PDE10A: variants seen among roughly 807,000 people sequenced by gnomAD.
PDE10A encodes phosphodiesterase 10A.
A neutral mutation model predicts 97.7 loss-of-function variants in PDE10A; 39 were observed. That is an observed-to-expected ratio of 0.40 (90% CI 0.31 to 0.52). PDE10A has a LOEUF of 0.52. Ranked by LOEUF, PDE10A falls within the 20% of genes least tolerant of loss-of-function variation. PDE10A has a pLI of 0.56. For missense variants in PDE10A, 731 were observed against 1,047.8 expected (o/e 0.70, Z 4.17); for synonymous variants, 371 against 376.8 (o/e 0.98, Z 0.18).
chr6:165,826,926 C>T (rs1018256637), intron 1 of PDE10A, among the ~76,000 whole-genome samples: 1 of 151,268 alleles, frequency 6.6e-6, no homozygotes, highest in Non-Finnish European at 1.5e-5. Flanking sequence ...GCGGGATGAG[C>T]CCAGGGGGAA....
chr6:165,720,288 A>C (rs921991543), intron 1 of PDE10A, among the ~76,000 whole-genome samples: 1 of 152,034 alleles, frequency 6.6e-6, no homozygotes, highest in African/African-American at 2.4e-5. Flanking sequence ...TTTGAGGTTT[A>C]TCTATACTTT....
intron 2 of PDE10A, among the ~76,000 whole-genome samples, chr6:165,512,992 A>C (rs1234918120): frequency 6.6e-6 from 1 of 151,936 alleles, no homozygotes; most frequent in Admixed American, 6.6e-5. Context: ...GTTGACTTTT[A>C]AAAAAATGGG....
intron 6 of PDE10A, among the ~76,000 whole-genome samples, chr6:165,435,036 T>A (rs1054759436): frequency 2.0e-5 from 3 of 152,226 alleles, no homozygotes; most frequent in African/African-American, 7.2e-5. Flanking sequence ...AAATAAGAAC[T>A]GTGCACATTT....
At position 165,627,209 on chromosome 6, in the gene PDE10A, G is replaced by A. The variant is rs181970299; in HGVS notation, c.865+34738C>T. 2.3e-3 allele frequency among the ~76,000 whole-genome samples: 355 copies of A among 152,248 alleles called. 5 individuals are homozygous for A. The highest frequency in any genetic ancestry group is 8.1e-4 in the Non-Finnish European group (55 of 68,018). On this transcript the variant is annotated intron_variant, in intron 1 of 21. Coordinates refer to ENST00000539869, the MANE Select transcript of PDE10A (RefSeq NM_001385079.1). Reference sequence around the variant, plus strand: ...ACAAAACATTAACTATTTGTTGAAGGTCTCACAATGTAACATAATCTGTAT... The same window carrying A: ...ACAAAACATTAACTATTTGTTGAAGATCTCACAATGTAACATAATCTGTAT...
chr6:165,437,659 G>A (rs1403416498), intron 5 of PDE10A, among the ~76,000 whole-genome samples: 1 of 152,126 alleles, frequency 6.6e-6, no homozygotes, highest in Admixed American at 6.6e-5. Flanking sequence ...TGTTTCCAAT[G>A]AGAGCTGAGG....
chr6:165,929,641 T>A (rs995083696), intron 1 of PDE10A, among the ~76,000 whole-genome samples: 7 of 152,188 alleles, frequency 4.6e-5, no homozygotes, highest in African/African-American at 1.7e-4. Flanking sequence ...AAAGCATATT[T>A]TCTTAGAAGG....
chr6:165,743,625 C>G (rs115335058), intron 1 of PDE10A, among the ~76,000 whole-genome samples: 2 of 152,190 alleles, frequency 1.3e-5, no homozygotes, highest in South Asian at 4.1e-4. Context: ...CAAAGACATA[C>G]ACACAGCAGA....
At chr6:165,463,821 C>T (rs941846463) in intron 3 of PDE10A, among the ~76,000 whole-genome samples, 28 of 152,202 alleles carry the variant, frequency 1.8e-4, no homozygotes, top group African/African-American at 5.3e-4. Context: ...ATACCTGGCC[C>T]GCCCAGGGCG....
intron 1 of PDE10A, among the ~76,000 whole-genome samples, chr6:165,561,234 G>A (rs1024737521): frequency 2.7e-5 from 4 of 149,386 alleles, no homozygotes; most frequent in Admixed American, 2.7e-4. Flanking sequence ...AAAAAAAAAA[G>A]TGTGCAGCAG....
chr6:165,593,400 C>T (rs771017754), intron 1 of PDE10A, among the ~76,000 whole-genome samples: 1 of 152,034 alleles, frequency 6.6e-6, no homozygotes, highest in Non-Finnish European at 1.5e-5. Context: ...ACCTATATAA[C>T]AAACCTGCAC....
At chr6:165,608,138 T>C (rs1239440769) in intron 1 of PDE10A, among the ~76,000 whole-genome samples, 2 of 150,246 alleles carry the variant, frequency 1.3e-5, no homozygotes, top group African/African-American at 4.9e-5. Flanking sequence ...ATACTTTAAG[T>C]TCTAGGGTAC....
At chr6:165,608,190 C>T (rs1255624314) in intron 1 of PDE10A, among the ~76,000 whole-genome samples, 1 of 150,890 alleles carries the variant, frequency 6.6e-6, no homozygotes, top group Non-Finnish European at 1.5e-5. Flanking sequence ...TATACATGTG[C>T]CATGATGGTG....
At position 165,737,832 on chromosome 6, in the gene PDE10A, G is replaced by A. The variant is rs1792616678; in HGVS notation, c.-614-194264C>T. Among the ~76,000 whole-genome samples, 7 of 152,184 alleles carry A rather than the reference G, an allele frequency of 4.6e-5. No individual in the cohort carries two copies. In the South Asian group the frequency reaches 1.5e-3, roughly 32 times the overall value. On this transcript the variant is annotated intron_variant, in intron 1 of 19. Transcript: ENST00000366882. Reference sequence around the variant, plus strand: ...ATTAGGCAAGAAAAAGGAATACAAGGCATGCAAATTGAACAGGAAGAAGTA... The same window carrying A: ...ATTAGGCAAGAAAAAGGAATACAAGACATGCAAATTGAACAGGAAGAAGTA...
chr6:165,453,775 A>C (rs913448928), intron 3 of PDE10A, among the ~76,000 whole-genome samples: 1 of 152,222 alleles, frequency 6.6e-6, no homozygotes, highest in African/African-American at 2.4e-5. Flanking sequence ...CCCACGGACA[A>C]ACTTGTTACA....
chr6:165,643,026 T>C (rs1789215223), intron 1 of PDE10A, among the ~76,000 whole-genome samples: 1 of 152,198 alleles, frequency 6.6e-6, no homozygotes, highest in Non-Finnish European at 1.5e-5. Context: ...AAAGCCATTC[T>C]CCAGTGGCAA....
At chr6:165,830,738 C>A (rs1367331273) in intron 1 of PDE10A, among the ~76,000 whole-genome samples, 1 of 152,184 alleles carries the variant, frequency 6.6e-6, no homozygotes, top group Non-Finnish European at 1.5e-5. Context: ...ACCTAACACC[C>A]CTATAAGCAA....
At chr6:165,884,152 C>A (rs1042299283) in intron 1 of PDE10A, among the ~76,000 whole-genome samples, 11 of 152,152 alleles carry the variant, frequency 7.2e-5, no homozygotes, top group African/African-American at 2.7e-4. Context: ...AATCGGGGAC[C>A]GAAGGAAGAG....
intron 13 of PDE10A, among the ~76,000 whole-genome samples, chr6:165,402,712 A>G (rs1786765677): frequency 6.6e-6 from 1 of 152,172 alleles, no homozygotes; most frequent in South Asian, 2.1e-4. Context: ...GATAAAGACA[A>G]CCTGGAAACA....
chr6:165,646,059 CT>C (rs1217557458), intron 1 of PDE10A, among the ~76,000 whole-genome samples: 1 of 152,160 alleles, frequency 6.6e-6, no homozygotes, highest in East Asian at 1.9e-4. Flanking sequence ...ATGCTTGAGC[CT>C]TCTCAGGAAA....
Sources: allele counts gnomAD v4.1 joint callset (sites outside exome capture counted in the v4.1 genomes callset), GRCh38; gene constraint gnomAD v4.1.1; transcripts MANE v1.5; gene names NCBI Gene and HGNC (gene_info 2026-07-23, HGNC 2026-07-21).